Variants in KY observed in about 807,000 individuals in gnomAD.
KY encodes kyphoscoliosis peptidase.
A neutral mutation model predicts 76.1 loss-of-function variants in KY; 43 were observed. That is an observed-to-expected ratio of 0.57 (90% CI 0.44 to 0.73). The LOEUF (loss-of-function observed/expected upper bound fraction) is 0.73. KY is among the 30% of genes least tolerant of loss of function. The probability of loss-of-function intolerance (pLI) is 0.00; values close to 1 mark genes in which losing one functional copy is unlikely to be tolerated. For synonymous variants in KY, 277 were observed against 326.2 expected (o/e 0.85, Z 1.63); for missense variants, 722 against 828.9 (o/e 0.87, Z 1.58).
At chr3:134,625,232 A>C (rs1963274017) in intron 5 of KY, 97 bp from the exon 6 acceptor site, 3 of 893,182 alleles carry the variant, frequency 3.4e-6, no homozygotes, top group Non-Finnish European at 5.4e-6. Context: ...GTGACTGTCC[A>C]ACCTTTAACA....
chr3:134,645,111 C>T (rs980644850), intron 2 of KY, among the ~76,000 whole-genome samples: 1 of 152,224 alleles, frequency 6.6e-6, no homozygotes, highest in African/African-American at 2.4e-5. Context: ...ATTGGTTTCC[C>T]TTTAGCTGTG....
intron 3 of KY, 60 bp from the exon 4 acceptor site, chr3:134,629,755 T>C: frequency 1.0e-6 from 1 of 971,856 alleles, no homozygotes. Context: ...GGTGAATGCC[T>C]CATGACTGAT....
At chr3:134,637,843 AAC>A (rs1965181858) in intron 3 of KY, among the ~76,000 whole-genome samples, 1 of 152,188 alleles carries the variant, frequency 6.6e-6, no homozygotes. Context: ...CAAGGTGAAA[AAC>A]AAACTGCTGT....
intron 7 of KY, among the ~76,000 whole-genome samples, chr3:134,619,505 TAGG>T (rs568864153): frequency 1.3e-5 from 2 of 152,206 alleles, no homozygotes; most frequent in African/African-American, 2.4e-5. Context: ...GAGGAGGGGC[TAGG>T]AGGAGAAGGG....
chr3:134,612,422 G>A (rs910596417), intron 8 of KY, among the ~76,000 whole-genome samples: 5 of 152,180 alleles, frequency 3.3e-5, no homozygotes, highest in Admixed American at 6.5e-5. Context: ...TCATTTCTCT[G>A]CAGTGCAGAG....
chr3:134,612,401 G>A (rs1478108549), intron 8 of KY, among the ~76,000 whole-genome samples: 4 of 152,210 alleles, frequency 2.6e-5, no homozygotes, highest in Non-Finnish European at 5.9e-5. Context: ...CATACCTGGA[G>A]TGCTCTCTCC....
chr3:134,650,083 AT>A (rs1448323627), intron 1 of KY, among the ~76,000 whole-genome samples: 6 of 152,176 alleles, frequency 3.9e-5, no homozygotes, highest in African/African-American at 1.4e-4. Flanking sequence ...TCTGTACTCC[AT>A]TCACATTGTG....
At chr3:134,623,811 G>A (rs1231060515) in intron 6 of KY, among the ~76,000 whole-genome samples, 6 of 152,108 alleles carry the variant, frequency 3.9e-5, no homozygotes, top group Admixed American at 2.6e-4. Context: ...TGTTGACCAC[G>A]TCTGCCCCAG....
At chr3:134,630,496 T>C (rs1435617684) in intron 3 of KY, among the ~76,000 whole-genome samples, 3 of 152,184 alleles carry the variant, frequency 2.0e-5, no homozygotes. Context: ...CTCCAGCTTT[T>C]TGGGTAGAGG....
intron 4 of KY, 173 bp downstream of exon 4, chr3:134,629,448 A>G (rs1181726394): frequency 5.2e-6 from 3 of 574,686 alleles, no homozygotes; most frequent in Non-Finnish European, 9.4e-6. Flanking sequence ...AGCTGGGTGT[A>G]GAGAAAAGAG....
At chr3:134,648,730 ACTTCCAGCAGAAGGCC>A (rs1490151004) in intron 1 of KY, among the ~76,000 whole-genome samples, 5 of 152,032 alleles carry the variant, frequency 3.3e-5, no homozygotes, top group Non-Finnish European at 5.9e-5. Context: ...CAGAAGGGCC[ACTTCCAGCAGAAGGCC>A]CTTCCAGCAG....
chr3:134,627,957 CA>C (rs1462086695), intron 4 of KY, 139 bp from the exon 5 acceptor site: 1 of 671,010 alleles, frequency 1.5e-6, no homozygotes, highest in Non-Finnish European at 2.7e-6. Flanking sequence ...GTTCCCACCC[CA>C]CTGACCACTG....
intron 8 of KY, chr3:134,615,369 TTC>T (rs1491255977): frequency 6.6e-6 from 1 of 151,364 alleles, no homozygotes; most frequent in Admixed American, 6.6e-5. Context: ...TTTTTTTTTT[TTC>T]ACGTGTGAAA....
At chr3:134,631,944 A>G (rs1429306447) in intron 3 of KY, among the ~76,000 whole-genome samples, 1 of 152,116 alleles carries the variant, frequency 6.6e-6, no homozygotes, top group African/African-American at 2.4e-5. Flanking sequence ...CAAGGATCCA[A>G]CTTTAACTAC....
intron 8 of KY, 82 bp downstream of exon 8, chr3:134,619,066 A>C (rs781454376): frequency 7.8e-6 from 9 of 1,159,324 alleles, no homozygotes; most frequent in African/African-American, 1.5e-5. Flanking sequence ...CAGGCCTGGC[A>C]TGTGGGCAAA....
chr3:134,600,944 C>G lies in KY; in HGVS notation c.*2635G>C, dbSNP rs1037742392. 1.3e-5 allele frequency: 2 copies of G among 152,234 alleles called. No homozygotes were observed. Among genetic ancestry groups the G allele is most frequent in the Non-Finnish European group, 2.9e-5 (2 of 68,048 alleles). The allele number at this position is 152,234 out of a possible 1,614,324, so 9.4% of individuals were successfully genotyped here. A position where few individuals can be genotyped will look rare whatever the true frequency, so the allele number is the denominator to read the frequency against. On this transcript the variant is annotated 3_prime_UTR_variant, in exon 11 of 11. Coordinates refer to ENST00000423778, the MANE Select transcript of KY (RefSeq NM_178554.6). ...AACATAAACATTTCCACAGCATTTT[C>G]AAGTTCTGCGAAAAAGCCCGGTGAT...
chr3:134,608,482 C>T (rs916730392), intron 10 of KY, 167 bp downstream of exon 10: 12 of 1,538,530 alleles, frequency 7.8e-6, no homozygotes, highest in African/African-American at 1.4e-5. Flanking sequence ...TGGGCTGCCT[C>T]AGCAGCCTCC....
chr3:134,647,540 A>G, intron 1 of KY, 43 bp from the exon 2 acceptor site: 2 of 1,244,846 alleles, frequency 1.6e-6, no homozygotes, highest in Non-Finnish European at 2.3e-6. Context: ...ACTCAGGGCA[A>G]AAGAGTGATG....
chr3:134,646,661 C>T lies in KY; in HGVS notation c.199+774G>A, dbSNP rs1046002278. ...TCCTATTCATCTGCAATCCTATTTCCCCATTTGTGTCATGGAGGGTGGTTC... is the reference window on the plus strand; with the variant it reads ...TCCTATTCATCTGCAATCCTATTTCTCCATTTGTGTCATGGAGGGTGGTTC... On this transcript the variant is annotated intron_variant, in intron 2 of 10. Coordinates refer to ENST00000423778, the MANE Select transcript of KY (RefSeq NM_178554.6). Among the ~76,000 whole-genome samples, 4 of 152,266 alleles carry T rather than the reference C, an allele frequency of 2.6e-5. No individual in the cohort carries two copies. The East Asian group carries it at 5.8e-4, about 22-fold the overall frequency.
Sources: gnomAD v4.1 joint callset for allele counts (sites outside exome capture counted in the v4.1 genomes callset) on GRCh38, gnomAD v4.1.1 for gene constraint, MANE v1.5 for transcripts, NCBI Gene and HGNC (gene_info 2026-07-23, HGNC 2026-07-21) for gene names.